The following SP140 variants were observed in gnomAD, a reference collection of about 807,000 sequenced individuals.
SP140 encodes the protein SP140 nuclear body protein.
Under a neutral mutation model 125.0 loss-of-function variants are expected in SP140, and 81 were observed. The observed-to-expected ratio is 0.65, with a 90% CI of 0.54 to 0.78. The LOEUF (loss-of-function observed/expected upper bound fraction) is 0.78, where lower values mean the gene tolerates loss of function less well. SP140 is among the 30% of genes least tolerant of loss of function. The pLI is 0.00. For missense variants in SP140, 858 were observed against 1,037.0 expected, an observed-to-expected ratio of 0.83 and a Z score of 2.37; for synonymous variants, 312 against 354.0, an observed-to-expected ratio of 0.88 and a Z score of 1.33.
chr2:230,268,386 TG>T (rs1482416933), intron 12 of SP140, among the ~76,000 whole-genome samples: 5 of 152,038 alleles, frequency 3.3e-5, no homozygotes, highest in Non-Finnish European at 7.4e-5. Flanking sequence ...TAGCCAGGCG[TG>T]GTGGCAGGCA....
intron 12 of SP140, 114 bp downstream of exon 12, chr2:230,255,646 T>A: frequency 1.1e-6 from 1 of 883,950 alleles, no homozygotes; most frequent in Non-Finnish European, 1.8e-6. Context: ...AGTGAAAGGA[T>A]CTAATTAATC....
In SP140 at chr2:230,312,721, C is replaced by T. The variant is rs1195812935; in HGVS notation, c.*37C>T. On this transcript the variant is annotated 3_prime_UTR_variant, in exon 27 of 27. Coordinates refer to ENST00000392045, the MANE Select transcript of SP140 (RefSeq NM_007237.5). ...GATGCTGAAAGCATTCAGCAAATGG[C>T]ACCCTAAAATATGCCGCTGGTTTGC... 1.3e-6 allele frequency: 2 copies of T among 1,484,012 alleles called. No homozygotes were observed. The highest frequency in any genetic ancestry group is 4.6e-5 in the East Asian group (2 of 43,876). The allele number at this position is 1,484,012 out of a possible 1,614,324, so 91.9% of individuals were successfully genotyped here.
At position 230,245,934 on chromosome 2, in the gene SP140, A is replaced by G. The variant is rs115771789; in HGVS notation, c.736A>G (p.Thr246Ala). The part of the protein sequence containing the change: ...EEMPKLLPYD[T>A]EVLESNGMID... Reference sequence around the variant, plus strand: ...AATGCCCAAGTTACTGCCTTATGATACAGAAGGTAATTAGGATTTAAATTA... The same window carrying G: ...AATGCCCAAGTTACTGCCTTATGATGCAGAAGGTAATTAGGATTTAAATTA... The change falls in exon 7 of 27, where the codon ACA (threonine) becomes GCA (alanine). Residue 246 changes from threonine (T) to alanine (A), a missense_variant. Physicochemically the swap from Thr to Ala is moderately conservative, Grantham distance 58. Transcript: ENST00000392045. The G allele has an allele frequency of 9.6e-5, 152 of 1,576,788 alleles. No homozygotes were observed. In the African/African-American group the frequency reaches 1.9e-3, roughly 20 times the overall value.
At chr2:230,249,873 G>C (rs2050087222) in intron 9 of SP140, among the ~76,000 whole-genome samples, 1 of 152,130 alleles carries the variant, frequency 6.6e-6, no homozygotes, top group African/African-American at 2.4e-5. Context: ...GCCCCCCTAG[G>C]TAGACAGTGG....
At chr2:230,222,613 A>G (rs1246806207), upstream of SP140, among the ~76,000 whole-genome samples, 2 of 151,822 alleles carry the variant, frequency 1.3e-5, no homozygotes, top group East Asian at 1.9e-4. Context: ...GGTCCCCGCT[A>G]TCAGGGAGAC....
chr2:230,243,342 A>G (rs2048974902), intron 4 of SP140, among the ~76,000 whole-genome samples: 2 of 152,236 alleles, frequency 1.3e-5, no homozygotes, highest in South Asian at 4.1e-4. Flanking sequence ...ATGGGAGAGA[A>G]AGAGCAGTAT....
chr2:230,239,176 C>T (rs2149118518), intron 3 of SP140: 1 of 586,070 alleles, frequency 1.7e-6, no homozygotes, highest in South Asian at 3.5e-5. Flanking sequence ...ATGATACATC[C>T]AAGTCAGAGA....
At chr2:230,228,897 T>C (rs1021788561) in intron 1 of SP140, among the ~76,000 whole-genome samples, 5 of 152,190 alleles carry the variant, frequency 3.3e-5, no homozygotes, top group Admixed American at 3.3e-4. Context: ...ATTAAAGTGA[T>C]TATTAATATA....
chr2:230,277,880 C>G (rs1010541076), intron 15 of SP140, among the ~76,000 whole-genome samples: 1 of 152,080 alleles, frequency 6.6e-6, no homozygotes, highest in Non-Finnish European at 1.5e-5. Flanking sequence ...ATCCATTCAT[C>G]TGTTGATAGA....
chr2:230,231,842 G>A (rs2047298171), intron 1 of SP140, among the ~76,000 whole-genome samples: 1 of 152,158 alleles, frequency 6.6e-6, no homozygotes, highest in African/African-American at 2.4e-5. Context: ...GAGTAGCAGA[G>A]ATTACAGGTG....
At chr2:230,200,482 A>G, upstream of SP140, 2 of 197,928 alleles carry the variant, frequency 1.0e-5, no homozygotes, top group Non-Finnish European at 1.0e-5. Flanking sequence ...AGAAATATGG[A>G]GATTGGAATT....
At chr2:230,294,346 T>C in intron 21 of SP140, 28 bp downstream of exon 21, 1 of 1,541,276 alleles carries the variant, frequency 6.5e-7, no homozygotes, top group Non-Finnish European at 9.0e-7. Context: ...TTATACAGCT[T>C]CTTGTCACAT....
At chr2:230,235,465 G>A (rs761978480) in intron 1 of SP140, among the ~76,000 whole-genome samples, 1 of 152,244 alleles carries the variant, frequency 6.6e-6, no homozygotes, top group East Asian at 1.9e-4. Flanking sequence ...ATTAATCAAC[G>A]ATTTTAAACC....
intron 22 of SP140, 73 bp from the exon 23 acceptor site, chr2:230,309,851 T>C: frequency 4.6e-6 from 7 of 1,506,818 alleles, no homozygotes; most frequent in Non-Finnish European, 6.4e-6. Context: ...GGCAGTGTGT[T>C]CTAGTTGCCC....
At chr2:230,194,920 A>C in the SP140 span, among the ~76,000 whole-genome samples, 2 of 152,240 alleles carry the variant, frequency 1.3e-5, no homozygotes, top group Middle Eastern at 3.4e-3. Context: ...GGGGTGGCCT[A>C]GGGGACAAGG....
At chr2:230,228,156 A>G (rs2046729453) in intron 1 of SP140, among the ~76,000 whole-genome samples, 1 of 152,094 alleles carries the variant, frequency 6.6e-6, no homozygotes, top group Non-Finnish European at 1.5e-5. Context: ...AGGACTTCTT[A>G]TTTGACCCTA....
chr2:230,189,948 A>C, the SP140 span, among the ~76,000 whole-genome samples: 3 of 152,066 alleles, frequency 2.0e-5, no homozygotes, highest in African/African-American at 7.2e-5. Flanking sequence ...TAAATGCTGG[A>C]TTCTTTATCC....
chr2:230,255,840 T>G (rs2051103817), intron 12 of SP140, among the ~76,000 whole-genome samples: 1 of 152,180 alleles, frequency 6.6e-6, no homozygotes, highest in Admixed American at 6.5e-5. Context: ...TCTCATGCCT[T>G]TCAATACTAC....
chr2:230,285,655 G>A, intron 16 of SP140, 97 bp from the exon 17 acceptor site: 2 of 1,028,440 alleles, frequency 1.9e-6, no homozygotes, highest in Non-Finnish European at 3.0e-6. Context: ...AGGGGATCCA[G>A]AATGAGACCC....
Sources: allele counts gnomAD v4.1 joint callset (sites outside exome capture counted in the v4.1 genomes callset), GRCh38; gene constraint gnomAD v4.1.1; transcripts MANE v1.5; gene names NCBI Gene and HGNC (gene_info 2026-07-23, HGNC 2026-07-21).